Variants in CCDC187 observed in about 807,000 individuals in gnomAD.
CCDC187 encodes the protein coiled-coil domain containing 187.
CCDC187 carries 32 observed loss-of-function variants against 38.0 expected under a neutral mutation model. The ratio of observed to expected loss-of-function variants is 0.84; its 90% CI spans 0.64 to 1.13. The LOEUF (loss-of-function observed/expected upper bound fraction) is 1.13. Among genes scored for constraint, CCDC187 ranks in the 50% most tolerant of loss-of-function variants. CCDC187 has a pLI of 0.00. For missense variants in CCDC187, 707 were observed against 786.8 expected (o/e 0.90, Z 1.21); for synonymous variants, 333 against 347.9 (o/e 0.96, Z 0.48).
Position 136,258,542 on chromosome 9 carries a change from G to C in CCDC187, c.4366+390C>G, listed in dbSNP as rs895529370. On this transcript the variant is annotated intron_variant, in intron 22 of 25. Transcript: ENST00000638797. The surrounding 1 kb of genome is among the most constrained non-coding windows in gnomAD (Gnocchi z 4.3). ...CTGCAAATTGGGGACTTGGCTCTCG[G>C]GGGGGGCCCCGGCCAAGTGTAAGGT... Among the ~76,000 whole-genome samples the C allele has an allele frequency of 3.3e-5, 5 of 152,146 alleles. No individual in the cohort carries two copies. The highest frequency in any genetic ancestry group is 5.9e-5 in the Non-Finnish European group (4 of 68,020).
In CCDC187 at chr9:136,257,063, T is replaced by C. The variant is rs1830621497; in HGVS notation, c.4367-222A>G. ...GTGATCAAAGTCCCAGCCAAAAGTT[T>C]AGAGAAAATTCGTTTAGAATTCAGA... On this transcript the variant is annotated intron_variant, in intron 22 of 25. Coordinates refer to ENST00000638797, the MANE Select transcript of CCDC187 (RefSeq NM_001378188.1). The surrounding 1 kb of genome is among the most constrained non-coding windows in gnomAD (Gnocchi z 4.5). Among the ~76,000 whole-genome samples the C allele has an allele frequency of 6.6e-6, 1 of 152,318 alleles. No homozygotes were observed. The highest frequency in any genetic ancestry group is 2.4e-5 in the African/African-American group (1 of 41,572).
Position 136,268,107 on chromosome 9 carries a change from C to T in CCDC187, c.3461G>A (p.Gly1154Glu). ...PASAEVEGPD[G>E]ALSQLPLAKF... ...GGCCAGGGGAAGCTGGGAGAGGGCT[C>T]CGTCAGGGCCCTCCACCTCTGAGGA... is the stretch of plus-strand genomic sequence containing the variant. The change falls in exon 15 of 26, where the codon GGA (glycine) becomes GAA (glutamate). Residue 1154 changes from glycine (G) to glutamate (E), a missense_variant. Transcript: ENST00000638797. 1.0e-6 allele frequency: 1 copy of T among 985,510 alleles called. No individual in the cohort carries two copies. The allele number at this position is 985,510 out of a possible 1,614,324, so 61.0% of individuals were successfully genotyped here.
chr9:136,300,005 G>A lies in CCDC187; in HGVS notation c.724+215C>T, dbSNP rs920398772. Among the ~76,000 whole-genome samples, 17 of 152,354 alleles carry A rather than the reference G, an allele frequency of 1.1e-4. No individual in the cohort carries two copies. The East Asian group carries it at 1.4e-3, about 12-fold the overall frequency. ...TCAGCTCCCCTGCCCTGCAGGGCCT[G>A]CCTGGGTCCTGCCCCACTGGAGAGG... On this transcript the variant is annotated intron_variant, in intron 3 of 25. Transcript: ENST00000638797.
rs1249216722 is a variant in CCDC187 at position 136,251,098 on chromosome 9, C to A, written c.*2496G>T. On this transcript the variant is annotated 3_prime_UTR_variant, in exon 26 of 26. Coordinates refer to ENST00000638797, the MANE Select transcript of CCDC187 (RefSeq NM_001378188.1). ...AGTGGAGGAGGCCTGAGGCCCTGGA[C>A]AGGAGAAGCCACATCCTGGAAGGAT... The A allele has an allele frequency of 8.9e-6, 4 of 447,764 alleles. No individual in the cohort carries two copies. Among genetic ancestry groups the A allele is most frequent in the Non-Finnish European group, 1.8e-5 (4 of 220,000 alleles). 27.7% of individuals were successfully genotyped at this position (447,764 alleles called of 1,614,324 possible). A position where few individuals can be genotyped will look rare whatever the true frequency, so the allele number is the denominator to read the frequency against.
In CCDC187 at chr9:136,292,302, C is replaced by T; in HGVS notation, c.833-7G>A. The T allele has an allele frequency of 2.5e-6, 1 of 398,696 alleles. No individual in the cohort carries two copies. Among genetic ancestry groups the T allele is most frequent in the Non-Finnish European group, 4.4e-6 (1 of 226,104 alleles). The allele number at this position is 398,696 out of a possible 1,614,324, so 24.7% of individuals were successfully genotyped here. A position where few individuals can be genotyped will look rare whatever the true frequency, so the allele number is the denominator to read the frequency against. ...ACACCAACCAGCTCCGAATCTTAAA[C>T]AGAGAAAACATACACACAGCCGGGC... On this transcript the variant is annotated splice_region_variant and splice_polypyrimidine_tract_variant and intron_variant, in intron 4 of 25. Transcript: ENST00000638797.
intron 8 of CCDC187, 109 bp from the exon 9 acceptor site, chr9:136,285,715 G>A (rs956122153): frequency 0.018 from 7,316 of 397,716 alleles, 166 homozygotes; most frequent in African/African-American, 0.066. Flanking sequence ...TGACAGGGGT[G>A]GGGGTGTGGC....
At chr9:136,275,922 G>C (rs1830923037) in intron 12 of CCDC187, among the ~76,000 whole-genome samples, 1 of 152,186 alleles carries the variant, frequency 6.6e-6, no homozygotes, top group East Asian at 1.9e-4. Flanking sequence ...ACACGGACAG[G>C]TGGGAGGCTC....
intron 7 of CCDC187, among the ~76,000 whole-genome samples, chr9:136,289,080 C>T (rs1408559917): frequency 1.3e-5 from 2 of 152,218 alleles, no homozygotes; most frequent in African/African-American, 4.8e-5. Flanking sequence ...CATTATTCAG[C>T]CACAGACTCA....
intron 19 of CCDC187, among the ~76,000 whole-genome samples, chr9:136,260,554 C>T (rs1468938177): frequency 3.3e-5 from 5 of 151,468 alleles, no homozygotes; most frequent in Non-Finnish European, 4.4e-5. Context: ...AATCACGGTG[C>T]CACCCCAGGC....
chr9:136,293,227 ACTCACAC>A (rs1831390515), intron 4 of CCDC187, among the ~76,000 whole-genome samples: 1 of 144,598 alleles, frequency 6.9e-6, no homozygotes, highest in Admixed American at 6.8e-5. Context: ...ACACACTCAC[ACTCACAC>A]GCTCACACTC....
At chr9:136,278,550 G>A (rs1163970104) in intron 10 of CCDC187, among the ~76,000 whole-genome samples, 1 of 152,226 alleles carries the variant, frequency 6.6e-6, no homozygotes, top group Non-Finnish European at 1.5e-5. Context: ...CAAAGTCCCT[G>A]GTAGCTGTGA....
chr9:136,255,773 T>G, intron 24 of CCDC187, 40 bp from the exon 25 acceptor site: 1 of 960,812 alleles, frequency 1.0e-6, no homozygotes, highest in Non-Finnish European at 1.2e-6. Context: ...GGGATCCTGG[T>G]CCTCCTGGCC....
chr9:136,293,734 TCA>T (rs1443571165), intron 4 of CCDC187, among the ~76,000 whole-genome samples: 2 of 150,346 alleles, frequency 1.3e-5, no homozygotes, highest in Non-Finnish European at 3.0e-5. Context: ...ACTCATGCAT[TCA>T]CACATGCACA....
At chr9:136,300,612 T>G (rs1437826396) in intron 2 of CCDC187, among the ~76,000 whole-genome samples, 1 of 151,234 alleles carries the variant, frequency 6.6e-6, no homozygotes, top group African/African-American at 2.4e-5. Flanking sequence ...TTTTTTTTTT[T>G]TCTGAGGCGG....
chr9:136,250,346 C>T lies in CCDC187; in HGVS notation c.*3248G>A, dbSNP rs1266740489. The T allele has an allele frequency of 3.1e-5, 6 of 191,552 alleles. No individual in the cohort carries two copies. The highest frequency in any genetic ancestry group is 2.5e-4 in the South Asian group (3 of 12,144). The allele number at this position is 191,552 out of a possible 1,614,324, so 11.9% of individuals were successfully genotyped here. ...GCTCCCAGGGAAAGTCACGCTGGTT[C>T]CAGCTGTGACTGCAGCCGCCACCGC... is the stretch of plus-strand genomic sequence containing the variant. On this transcript the variant is annotated 3_prime_UTR_variant, in exon 26 of 26. Transcript: ENST00000638797.
Position 136,250,736 on chromosome 9 carries a change from C to G in CCDC187, c.*2858G>C. 2.2e-6 allele frequency: 1 copy of G among 456,162 alleles called. No individual in the cohort carries two copies. Among genetic ancestry groups the G allele is most frequent in the Non-Finnish European group, 4.4e-6 (1 of 226,940 alleles). The allele number at this position is 456,162 out of a possible 1,614,324, so 28.3% of individuals were successfully genotyped here. ...CTGGTGCAAAATCAGATGCATGGCCCGAGCTGGGCTTCCTGTGCACATGGT... is the reference window on the plus strand; with the variant it reads ...CTGGTGCAAAATCAGATGCATGGCCGGAGCTGGGCTTCCTGTGCACATGGT... On this transcript the variant is annotated 3_prime_UTR_variant, in exon 26 of 26. Transcript: ENST00000638797.
intron 10 of CCDC187, among the ~76,000 whole-genome samples, chr9:136,279,525 C>A (rs1830998847): frequency 6.6e-6 from 1 of 152,246 alleles, no homozygotes; most frequent in Non-Finnish European, 1.5e-5. Flanking sequence ...TCTGACCTCA[C>A]CCCCTTGGGA....
chr9:136,286,748 G>A (rs1831192166), intron 7 of CCDC187, 53 bp from the exon 8 acceptor site: 2 of 398,512 alleles, frequency 5.0e-6, no homozygotes, highest in Non-Finnish European at 8.8e-6. Flanking sequence ...GCCCCAGCAG[G>A]GCACGGAAAG....
chr9:136,253,615 C>T lies in CCDC187; in HGVS notation c.6213G>A (p.Gln2071=). The change falls in exon 26 of 26, where the codon CAG becomes CAA. Residue 2071 remains glutamine, a synonymous_variant. Transcript: ENST00000638797. The part of the protein sequence containing the change: ...SLPEGLFPGP[Q]GSAGTQ The stretch of plus-strand genomic sequence containing the variant: ...CCAACTACTGGGTTCCCGCCGACCC[C>T]TGGGGCCCAGGAAACAGTCCCTCCG... The T allele has an allele frequency of 1.0e-6, 1 of 985,618 alleles. No individual in the cohort carries two copies. The highest frequency in any genetic ancestry group is 1.2e-6 in the Non-Finnish European group (1 of 830,044). 61.1% of individuals were successfully genotyped at this position (985,618 alleles called of 1,614,324 possible).
Sources: gnomAD v4.1 joint callset for allele counts (sites outside exome capture counted in the v4.1 genomes callset) on GRCh38, gnomAD v4.1.1 for gene constraint, Gnocchi (gnomAD v3.1) non-coding constraint, MANE v1.5 for transcripts, NCBI Gene and HGNC (gene_info 2026-07-23, HGNC 2026-07-21) for gene names.